Variants in SGSM1 observed in about 807,000 individuals in gnomAD.
SGSM1 encodes the protein small G protein signaling modulator 1, also known as RUN and TBC1 domain containing 2.
A neutral mutation model predicts 133.8 loss-of-function variants in SGSM1; 73 were observed. The observed-to-expected ratio is 0.55, with a 90% confidence interval of 0.45 to 0.66. The LOEUF is 0.66. Ranked by LOEUF, SGSM1 falls within the 30% of genes least tolerant of loss-of-function variation. The probability of loss-of-function intolerance (pLI) is 0.00; values close to 1 mark genes in which losing one functional copy is unlikely to be tolerated. For synonymous variants in SGSM1, 563 were observed against 573.0 expected (o/e 0.98, Z 0.25); for missense variants, 1,213 against 1,448.1 (o/e 0.84, Z 2.64).
At chr22:24,911,632 C>G (rs1478881836) in intron 21 of SGSM1, among the ~76,000 whole-genome samples, 1 of 152,152 alleles carries the variant, frequency 6.6e-6, no homozygotes, top group Non-Finnish European at 1.5e-5. Context: ...TGTGATTAAA[C>G]TGGCCCATTA....
At chr22:24,860,168 C>T (rs1931044425) in intron 9 of SGSM1, among the ~76,000 whole-genome samples, 1 of 152,218 alleles carries the variant, frequency 6.6e-6, no homozygotes. Context: ...TGTCTTCCCT[C>T]TCCCATCATT....
At chr22:24,920,124 C>A in intron 24 of SGSM1, 131 bp downstream of exon 24, 2 of 955,850 alleles carry the variant, frequency 2.1e-6, no homozygotes, top group Non-Finnish European at 3.0e-6. Flanking sequence ...CTGCACACTT[C>A]TTATGGCTAT....
At position 24,893,606 on chromosome 22, in the gene SGSM1, G is replaced by A. The variant is rs1601963996; in HGVS notation, c.1946G>A (p.Ser649Asn). ...HRMLHRDSTI[S>N]NESSQSCSSG... ...ATGTTGCACAGGGACTCAACCATCA[G>A]CAATGAGGTGATGGGCGGCTGGCCT... The change falls in exon 17 of 25, where the codon AGC becomes AAC. Residue 649 changes from serine (S) to asparagine (N), a missense_variant. Ser to Asn is a conservative substitution (Grantham distance 46). Transcript: ENST00000400358. The A allele has an allele frequency of 6.4e-6, 10 of 1,565,914 alleles. No homozygotes were observed. In the East Asian group the frequency reaches 1.8e-4, roughly 28 times the overall value.
chr22:24,896,627 G>GT (rs142417545), intron 18 of SGSM1, among the ~76,000 whole-genome samples: 1,482 of 139,080 alleles, frequency 0.011, 15 homozygotes, highest in African/African-American at 0.028. Flanking sequence ...TTGTTTTTTG[G>GT]TTTTTTTTTT....
At chr22:24,875,180 T>C (rs1931970740) in intron 12 of SGSM1, among the ~76,000 whole-genome samples, 1 of 152,162 alleles carries the variant, frequency 6.6e-6, no homozygotes, top group African/African-American at 2.4e-5. Flanking sequence ...TGTGCAACTC[T>C]CTTCACTTCC....
intron 8 of SGSM1, 150 bp downstream of exon 8, chr22:24,855,830 C>T: frequency 8.6e-7 from 1 of 1,159,524 alleles, no homozygotes; most frequent in South Asian, 1.3e-5. Flanking sequence ...CTCATTCATC[C>T]ATCCATCTAT....
intron 21 of SGSM1, among the ~76,000 whole-genome samples, chr22:24,908,217 C>T (rs1469031390): frequency 1.3e-5 from 2 of 152,130 alleles, no homozygotes; most frequent in Non-Finnish European, 2.9e-5. Flanking sequence ...AACAAACTAA[C>T]TCAAAATGGA....
intron 8 of SGSM1, among the ~76,000 whole-genome samples, chr22:24,857,296 A>AACT (rs1196481054): frequency 6.6e-5 from 10 of 151,292 alleles, no homozygotes; most frequent in Non-Finnish European, 1.0e-4. Flanking sequence ...CTGTAGTCCC[A>AACT]ACTACTCGGG....
chr22:24,852,291 C>T (rs1432256163), intron 5 of SGSM1, among the ~76,000 whole-genome samples: 2 of 152,086 alleles, frequency 1.3e-5, no homozygotes, highest in African/African-American at 4.8e-5. Flanking sequence ...TTATACAGTT[C>T]TATGAAACTT....
intron 2 of SGSM1, chr22:24,843,457 G>C (rs1446491717): frequency 6.6e-6 from 1 of 152,550 alleles, no homozygotes; most frequent in African/African-American, 2.4e-5. Context: ...GTGGAGTCTG[G>C]ATGGGCCACA....
intron 2 of SGSM1, among the ~76,000 whole-genome samples, chr22:24,811,191 A>C (rs1013220367): frequency 6.6e-6 from 1 of 152,084 alleles, no homozygotes; most frequent in Non-Finnish European, 1.5e-5. Context: ...GATGCTGCTC[A>C]CATTCCTGCA....
chr22:24,910,140 A>G (rs947362706), intron 21 of SGSM1, among the ~76,000 whole-genome samples: 4 of 152,232 alleles, frequency 2.6e-5, no homozygotes, highest in African/African-American at 7.2e-5. Context: ...TGTCCAGAAT[A>G]GACAAATCCA....
chr22:24,855,249 G>A (rs1046286091), intron 6 of SGSM1, 36 bp from the exon 7 acceptor site: 26 of 1,590,760 alleles, frequency 1.6e-5, no homozygotes, highest in Admixed American at 5.3e-5. Context: ...AGGACTTTCC[G>A]GGGCAGTGGG....
At chr22:24,908,582 C>G (rs35115411) in intron 21 of SGSM1, among the ~76,000 whole-genome samples, 4,503 of 152,256 alleles carry the variant, frequency 0.03, 103 homozygotes, top group Non-Finnish European at 0.047. Flanking sequence ...GCGGGCAGAT[C>G]ACGAGGTCAG....
At chr22:24,806,771 G>T (rs950439778) in intron 2 of SGSM1, among the ~76,000 whole-genome samples, 2 of 151,980 alleles carry the variant, frequency 1.3e-5, no homozygotes, top group Admixed American at 6.5e-5. Flanking sequence ...ATCCCGATAG[G>T]ACCTCCTCTT....
At chr22:24,881,815 G>T (rs913397867) in intron 14 of SGSM1, among the ~76,000 whole-genome samples, 6 of 152,206 alleles carry the variant, frequency 3.9e-5, no homozygotes, top group Admixed American at 2.0e-4. Context: ...AATAGTCTTG[G>T]AGAGCCAGAA....
chr22:24,905,290 C>G, intron 21 of SGSM1, 103 bp downstream of exon 21: 1 of 1,167,826 alleles, frequency 8.6e-7, no homozygotes, highest in Admixed American at 1.7e-5. Flanking sequence ...GTGGCTCCAG[C>G]CAGGTGCTCT....
chr22:24,912,874 A>T lies in SGSM1; in HGVS notation c.2928+122A>T. On this transcript the variant is annotated intron_variant, in intron 22 of 24. Transcript: ENST00000400358. The stretch of plus-strand genomic sequence containing the variant: ...TGGAATCCAGGTTTGTATTTCTGCC[A>T]TACAAACTCAGCATATACTCTTATC... 3 of 649,754 alleles carry T rather than the reference A, an allele frequency of 4.6e-6. No homozygotes were observed. In the South Asian group the frequency reaches 5.9e-5, roughly 13 times the overall value. 40.2% of individuals were successfully genotyped at this position (649,754 alleles called of 1,614,324 possible). A position where few individuals can be genotyped will look rare whatever the true frequency, so the allele number is the denominator to read the frequency against.
At position 24,832,376 on chromosome 22, in the gene SGSM1, T is replaced by C. The variant is rs563134747; in HGVS notation, c.64-12521T>C. On this transcript the variant is annotated intron_variant, in intron 2 of 24. Coordinates refer to ENST00000400358, the MANE Select transcript of SGSM1 (RefSeq NM_001098497.3). ...TTAGTGTTATTTTCAGAGATAGTCA[T>C]TGGCTGAAGCTTCTAGAGGTGCAGT... Among the ~76,000 whole-genome samples the C allele has an allele frequency of 3.6e-3, 545 of 152,346 alleles. 2 individuals carry two copies. Among genetic ancestry groups the C allele is most frequent in the South Asian group, 5.6e-3 (27 of 4,824 alleles).
Sources: allele counts gnomAD v4.1 joint callset (sites outside exome capture counted in the v4.1 genomes callset), GRCh38; gene constraint gnomAD v4.1.1; transcripts MANE v1.5; gene names NCBI Gene and HGNC (gene_info 2026-07-23, HGNC 2026-07-21).